KIAA1217: variants seen among roughly 807,000 people sequenced by gnomAD.
KIAA1217 encodes the protein sickle tail protein homolog.
KIAA1217 carries 88 observed loss-of-function variants against 163.9 expected under a neutral mutation model. The ratio of observed to expected loss-of-function variants is 0.54; its 90% CI spans 0.45 to 0.64. The LOEUF (loss-of-function observed/expected upper bound fraction) is 0.64. Among genes scored for constraint, KIAA1217 ranks in the 30% least tolerant of loss-of-function variants. The probability of loss-of-function intolerance (pLI) is 0.00; values close to 1 mark genes in which losing one functional copy is unlikely to be tolerated. For missense variants in KIAA1217, 2,372 were observed against 2,475.0 expected (o/e 0.96, Z 0.88); for synonymous variants, 903 against 923.1 (o/e 0.98, Z 0.39).
chr10:23,814,758 G>T (rs963253841), intron 1 of KIAA1217, among the ~76,000 whole-genome samples: 1 of 151,706 alleles, frequency 6.6e-6, no homozygotes, highest in South Asian at 2.1e-4. Context: ...ACATTTTTCT[G>T]TTCTTGCAGG....
At chr10:23,993,029 C>CTTTTTTTTTTTTTTT (rs1188657000) in intron 1 of KIAA1217, among the ~76,000 whole-genome samples, 1 of 118,628 alleles carries the variant, frequency 8.4e-6, no homozygotes. Context: ...TGATAGCTTC[C>CTTTTTTTTTTTTTTT]TTTTTTTTTT....
chr10:23,990,007 G>A (rs1564591814), intron 1 of KIAA1217, among the ~76,000 whole-genome samples: 2 of 152,194 alleles, frequency 1.3e-5, no homozygotes, highest in Non-Finnish European at 2.9e-5. Context: ...ACACACCAAA[G>A]AACAGTACTA....
intron 1 of KIAA1217, among the ~76,000 whole-genome samples, chr10:23,848,561 A>G (rs1426079337): frequency 1.3e-5 from 2 of 152,034 alleles, no homozygotes; most frequent in East Asian, 3.9e-4. Context: ...TGCAACACAC[A>G]TAAAACACAC....
At position 24,521,778 on chromosome 10, in the gene KIAA1217, G is replaced by T. The variant is rs2071334017; in HGVS notation, c.2309-4G>T. On this transcript the variant is annotated splice_polypyrimidine_tract_variant and splice_region_variant and intron_variant, in intron 11 of 20. Transcript: ENST00000376454. ...CCAATTCACCTGCTGGTTTGGGCCT[G>T]CAGGAGAATTTCCAACCTTACAAAA... 1 of 1,610,070 alleles carries T rather than the reference G, an allele frequency of 6.2e-7. No individual in the cohort carries two copies.
intron 1 of KIAA1217, among the ~76,000 whole-genome samples, chr10:23,818,345 T>TATAAA (rs202076659): frequency 5.2e-5 from 7 of 134,820 alleles, no homozygotes; most frequent in African/African-American, 2.0e-4. Flanking sequence ...TATATATATA[T>TATAAA]AAAAAAATAT....
intron 1 of KIAA1217, among the ~76,000 whole-genome samples, chr10:23,976,817 T>C (rs770389878): frequency 6.6e-6 from 1 of 152,210 alleles, no homozygotes; most frequent in Non-Finnish European, 1.5e-5. Flanking sequence ...TATCTCACAT[T>C]GACCAGGTCA....
chr10:24,094,099 C>T (rs1388655456), intron 2 of KIAA1217, among the ~76,000 whole-genome samples: 1 of 151,910 alleles, frequency 6.6e-6, no homozygotes, highest in East Asian at 1.9e-4. Flanking sequence ...TGAATAGTGC[C>T]GCAATAAACA....
At chr10:24,044,225 C>T (rs976176301) in intron 2 of KIAA1217, among the ~76,000 whole-genome samples, 11 of 152,266 alleles carry the variant, frequency 7.2e-5, no homozygotes, top group African/African-American at 2.4e-4. Flanking sequence ...GCAAATCGGA[C>T]TATGAGTCTC....
intron 2 of KIAA1217, among the ~76,000 whole-genome samples, chr10:24,180,231 G>C (rs2066105217): frequency 6.7e-6 from 1 of 149,616 alleles, no homozygotes; most frequent in African/African-American, 2.5e-5. Context: ...GACCTCTACA[G>C]TCAGGTCCTT....
At chr10:24,133,568 T>C (rs1295734147) in intron 2 of KIAA1217, among the ~76,000 whole-genome samples, 1 of 145,328 alleles carries the variant, frequency 6.9e-6, no homozygotes, top group Non-Finnish European at 1.5e-5. Context: ...CGAGACTGTG[T>C]CTCAAAAAAA....
Position 24,502,193 on chromosome 10 carries a change from C to T in KIAA1217, c.2001+648C>T, listed in dbSNP as rs143501644. Reference sequence around the variant, plus strand: ...CTGACTTCTGACAGCTTGGAGGCTCCATCCTCCTCCACACTGAACGGGGAC... The same window carrying T: ...CTGACTTCTGACAGCTTGGAGGCTCTATCCTCCTCCACACTGAACGGGGAC... On this transcript the variant is annotated intron_variant, in intron 9 of 20. Transcript: ENST00000376454. 1.2e-3 allele frequency among the ~76,000 whole-genome samples: 185 copies of T among 150,002 alleles called. 1 individual carries two copies. Among genetic ancestry groups the T allele is most frequent in the African/African-American group, 4.2e-3 (171 of 40,704 alleles).
chr10:23,801,623 A>G (rs1006181805), intron 1 of KIAA1217, among the ~76,000 whole-genome samples: 1 of 152,194 alleles, frequency 6.6e-6, no homozygotes, highest in Non-Finnish European at 1.5e-5. Flanking sequence ...AAGAATAATG[A>G]CAAATATAAA....
chr10:24,524,809 A>T, intron 13 of KIAA1217, 45 bp downstream of exon 13: 2 of 1,461,000 alleles, frequency 1.4e-6, no homozygotes, highest in Non-Finnish European at 1.9e-6. Flanking sequence ...AAGGAGTCTG[A>T]TACATGGACC....
intron 2 of KIAA1217, among the ~76,000 whole-genome samples, chr10:24,344,613 G>T (rs896515222): frequency 6.6e-6 from 1 of 152,072 alleles, no homozygotes; most frequent in African/African-American, 2.4e-5. Flanking sequence ...GAACTGATTG[G>T]GTATTTTCTA....
intron 5 of KIAA1217, among the ~76,000 whole-genome samples, chr10:24,443,807 G>C (rs2060696422): frequency 6.6e-6 from 1 of 152,064 alleles, no homozygotes; most frequent in Non-Finnish European, 1.5e-5. Flanking sequence ...ACATACTAAA[G>C]TGTTTACAGG....
At chr10:24,326,305 GA>G (rs1231910184) in intron 2 of KIAA1217, among the ~76,000 whole-genome samples, 1 of 151,240 alleles carries the variant, frequency 6.6e-6, no homozygotes, top group Non-Finnish European at 1.5e-5. Context: ...ACACCTTATA[GA>G]AAAAAAAGAC....
chr10:24,387,254 G>A (rs574149211), intron 3 of KIAA1217, among the ~76,000 whole-genome samples: 10 of 152,262 alleles, frequency 6.6e-5, no homozygotes, highest in African/African-American at 1.7e-4. Context: ...TTCAACTTAC[G>A]CAAATCAATA....
intron 2 of KIAA1217, among the ~76,000 whole-genome samples, chr10:24,329,960 T>C (rs2045444746): frequency 6.6e-6 from 1 of 152,186 alleles, no homozygotes; most frequent in African/African-American, 2.4e-5. Flanking sequence ...TTAACTTGTC[T>C]AATGCATAAT....
chr10:24,388,682 G>T (rs2054383134), intron 3 of KIAA1217, among the ~76,000 whole-genome samples: 1 of 151,618 alleles, frequency 6.6e-6, no homozygotes. Context: ...CTAATATCCA[G>T]AATCTACAAA....
Sources: allele counts gnomAD v4.1 joint callset (sites outside exome capture counted in the v4.1 genomes callset), GRCh38; gene constraint gnomAD v4.1.1; transcripts MANE v1.5; gene names NCBI Gene and HGNC (gene_info 2026-07-23, HGNC 2026-07-21).